Variants in PIP4K2C observed in about 807,000 individuals in gnomAD.
PIP4K2C encodes phosphatidylinositol-5-phosphate 4-kinase type 2 gamma.
Under a neutral mutation model 45.0 loss-of-function variants are expected in PIP4K2C, and 21 were observed. The ratio of observed to expected loss-of-function variants is 0.47; its 90% CI spans 0.33 to 0.67. PIP4K2C has a LOEUF of 0.67. PIP4K2C is among the 30% of genes least tolerant of loss of function. The pLI is 0.02. For synonymous variants in PIP4K2C, 201 were observed against 204.8 expected (o/e 0.98, Z 0.16); for missense variants, 456 against 542.8 (o/e 0.84, Z 1.59).
intron 1 of PIP4K2C, among the ~76,000 whole-genome samples, chr12:57,592,420 G>T (rs1390078378): frequency 6.6e-6 from 1 of 152,218 alleles, no homozygotes; most frequent in Non-Finnish European, 1.5e-5. Context: ...GATGGAAGTT[G>T]TGAGGAAGAA....
intron 4 of PIP4K2C, among the ~76,000 whole-genome samples, chr12:57,598,229 C>G (rs1883273438): frequency 6.6e-6 from 1 of 151,902 alleles, no homozygotes; most frequent in East Asian, 1.9e-4. Flanking sequence ...AAAAAAGAAT[C>G]CAAATTGTAG....
In PIP4K2C at chr12:57,601,065, C is replaced by T; in HGVS notation, c.1068C>T (p.Ile356=). ...AGTCCTTCATTGATGTCTATGCCAT[C>T]CGGAGTGCTGAAGGTGAGAGAACCG... ...EFESFIDVYA[I]RSAEGAPQKE... Residue 356 remains isoleucine, a synonymous_variant, in exon 8 of 10, where the codon ATC becomes ATT. Transcript: ENST00000354947. 6.2e-7 allele frequency: 1 copy of T among 1,613,394 alleles called. No homozygotes were observed. Among genetic ancestry groups the T allele is most frequent in the Middle Eastern group, 1.7e-4 (1 of 6,054 alleles).
intron 1 of PIP4K2C, among the ~76,000 whole-genome samples, chr12:57,593,011 T>C (rs1047653222): frequency 1.3e-5 from 2 of 151,542 alleles, no homozygotes; most frequent in Non-Finnish European, 2.9e-5. Context: ...CTGCAGTTCA[T>C]AGCCTCTGTG....
chr12:57,600,048 CAAAAAAAAAAAAA>C (rs56278212), intron 6 of PIP4K2C, among the ~76,000 whole-genome samples: 3 of 139,544 alleles, frequency 2.1e-5, no homozygotes, highest in South Asian at 2.1e-4. Context: ...GATCCTATCT[CAAAAAAAAAAAAA>C]AAAAAAAAGA....
chr12:57,601,146 G>C lies in PIP4K2C; in HGVS notation c.1081+68G>C, dbSNP rs2277320. On this transcript the variant is annotated intron_variant, in intron 8 of 9. Coordinates refer to ENST00000354947, the MANE Select transcript of PIP4K2C (RefSeq NM_024779.5). ...CCTGGAGGACAGAGACCAGAGTGCT[G>C]GGGGAGAGCCTGATTAGCTTTTCAG... 1,640 of 1,598,852 alleles carry C rather than the reference G, an allele frequency of 1.0e-3. 58 individuals are homozygous for C. The East Asian group carries it at 0.036, about 36-fold the overall frequency.
At chr12:57,596,210 G>A (rs1314396538) in intron 4 of PIP4K2C, among the ~76,000 whole-genome samples, 179 bp downstream of exon 4, 2 of 152,128 alleles carry the variant, frequency 1.3e-5, no homozygotes, top group African/African-American at 4.8e-5. Flanking sequence ...TACAGGCTGG[G>A]GGCAGTGGCT....
intron 4 of PIP4K2C, among the ~76,000 whole-genome samples, chr12:57,597,196 GT>G (rs1232778710): frequency 1.3e-5 from 2 of 152,204 alleles, no homozygotes; most frequent in Non-Finnish European, 2.9e-5. Context: ...ATGTGACAGC[GT>G]TTTAGAGAAT....
At position 57,591,342 on chromosome 12, in the gene PIP4K2C, C is replaced by G; in HGVS notation, c.53C>G (p.Pro18Arg). 6.2e-7 allele frequency: 1 copy of G among 1,613,412 alleles called. No individual in the cohort carries two copies. The highest frequency in any genetic ancestry group is 8.5e-7 in the Non-Finnish European group (1 of 1,179,806). The change falls in exon 1 of 10, where the codon CCC (proline) becomes CGC (arginine). Residue 18 changes from proline to arginine, a missense_variant. By Grantham distance (103) the Pro-to-Arg change is moderately radical. Coordinates refer to ENST00000354947, the MANE Select transcript of PIP4K2C (RefSeq NM_024779.5). The stretch of plus-strand genomic sequence containing the variant: ...ACGGTATCGGCGGCGACAGCAGGCC[C>G]CGGCCCAGGTTTCGGCTTCGCCTCC... ...PATVSAATAG[P>R]GPGFGFASKT...
intron 1 of PIP4K2C, 70 bp from the exon 2 acceptor site, chr12:57,593,955 C>T: frequency 8.5e-7 from 1 of 1,177,532 alleles, no homozygotes; most frequent in Non-Finnish European, 1.2e-6. Context: ...GACTGCTGCC[C>T]AGACACAGTG....
intron 5 of PIP4K2C, 83 bp downstream of exon 5, chr12:57,599,294 T>C: frequency 6.2e-7 from 1 of 1,606,200 alleles, no homozygotes; most frequent in Non-Finnish European, 8.5e-7. Flanking sequence ...TTTGGATGAT[T>C]CCTTTTAAGG....
At chr12:57,598,913 G>C in intron 4 of PIP4K2C, 152 bp from the exon 5 acceptor site, 1 of 748,288 alleles carries the variant, frequency 1.3e-6, no homozygotes, top group African/African-American at 1.8e-5. Flanking sequence ...AACCTGGAGT[G>C]TTTTGGGGAA....
At position 57,591,223 on chromosome 12, in the gene PIP4K2C, C is replaced by A; in HGVS notation, c.-67C>A. On this transcript the variant is annotated 5_prime_UTR_variant, in exon 1 of 10. Coordinates refer to ENST00000354947, the MANE Select transcript of PIP4K2C (RefSeq NM_024779.5). ...GTGACAGCAGCGCAGGTGAGCGCCGCTTCCGGGGTCGGGCGCCTGGATAGC... is the reference window on the plus strand; with the variant it reads ...GTGACAGCAGCGCAGGTGAGCGCCGATTCCGGGGTCGGGCGCCTGGATAGC... 6.6e-7 allele frequency: 1 copy of A among 1,522,058 alleles called. No individual in the cohort carries two copies. Among genetic ancestry groups the A allele is most frequent in the Non-Finnish European group, 8.9e-7 (1 of 1,123,550 alleles). 94.3% of individuals were successfully genotyped at this position (1,522,058 alleles called of 1,614,324 possible).
At chr12:57,601,486 T>C in intron 9 of PIP4K2C, 40 bp from the exon 10 acceptor site, 3 of 1,577,718 alleles carry the variant, frequency 1.9e-6, no homozygotes, top group Non-Finnish European at 2.6e-6. Context: ...GGACGGGTGC[T>C]AGGGTGGCCT....
At position 57,600,784 on chromosome 12, in the gene PIP4K2C, G is replaced by C. The variant is rs200942776; in HGVS notation, c.814-27G>C. The stretch of plus-strand genomic sequence containing the variant: ...ACCTAGCAGTGAAGAGTGAGAGAGA[G>C]GTGTCTGATTTGTCAGTGGGTCTCA... On this transcript the variant is annotated intron_variant, in intron 7 of 9. Transcript: ENST00000354947. 26 of 1,613,196 alleles carry C rather than the reference G, an allele frequency of 1.6e-5. No homozygotes were observed. The East Asian group carries it at 5.3e-4, about 33-fold the overall frequency.
chr12:57,594,839 G>A (rs1358611269), intron 2 of PIP4K2C, among the ~76,000 whole-genome samples: 3 of 151,986 alleles, frequency 2.0e-5, no homozygotes, highest in East Asian at 1.9e-4. Context: ...GCATGGTGGC[G>A]CATGCCTGTA....
rs1231929483 is a variant in PIP4K2C, at chr12:57,599,132, A to G, written c.581A>G (p.Asp194Gly). ...QFLGMYRVSV[D>G]NEDSYMLVMR... ...CTGGGGATGTACCGAGTCAGTGTGG[A>G]CAACGAAGACAGCTACATGCTTGTG... Residue 194 changes from aspartate to glycine, a missense_variant, in exon 5 of 10, where the codon GAC (aspartate) becomes GGC (glycine). Transcript: ENST00000354947. 1.2e-6 allele frequency: 2 copies of G among 1,614,170 alleles called. No homozygotes were observed. Among genetic ancestry groups the G allele is most frequent in the East Asian group, 2.2e-5 (1 of 44,880 alleles).
At chr12:57,600,120 G>T (rs1302143465) in intron 6 of PIP4K2C, among the ~76,000 whole-genome samples, 1 of 151,996 alleles carries the variant, frequency 6.6e-6, no homozygotes, top group Non-Finnish European at 1.5e-5. Flanking sequence ...ACCATAAGCA[G>T]AGAGTAGTGG....
intron 3 of PIP4K2C, 69 bp downstream of exon 3, chr12:57,595,291 C>A: frequency 1.0e-6 from 1 of 994,082 alleles, no homozygotes; most frequent in Non-Finnish European, 1.6e-6. Flanking sequence ...TTTGGGACAG[C>A]CATATTTGGA....
chr12:57,600,205 T>C (rs1355856049), intron 6 of PIP4K2C, 119 bp from the exon 7 acceptor site: 4 of 587,552 alleles, frequency 6.8e-6, no homozygotes, highest in Non-Finnish European at 1.2e-5. Flanking sequence ...CAGGGAAGCA[T>C]CACAGTGTGG....
Sources: gnomAD v4.1 joint callset for allele counts (sites outside exome capture counted in the v4.1 genomes callset) on GRCh38, gnomAD v4.1.1 for gene constraint, MANE v1.5 for transcripts, NCBI Gene and HGNC (gene_info 2026-07-23, HGNC 2026-07-21) for gene names.